Variants in CDH12 observed in about 807,000 individuals in gnomAD.
CDH12 encodes cadherin-12.
Under a neutral mutation model 74.1 loss-of-function variants are expected in CDH12, and 41 were observed. That is an observed-to-expected ratio of 0.55 (90% CI 0.43 to 0.72). The LOEUF (loss-of-function observed/expected upper bound fraction) is 0.72. CDH12 is among the 30% of genes least tolerant of loss of function. The pLI, the probability that CDH12 is intolerant of heterozygous loss-of-function variation, is 0.00. For synonymous variants in CDH12, 399 were observed against 355.0 expected (o/e 1.12, Z -1.39); for missense variants, 945 against 977.2 (o/e 0.97, Z 0.44).
At chr5:22,050,485 A>T (rs1740284312) in intron 5 of CDH12, among the ~76,000 whole-genome samples, 1 of 152,180 alleles carries the variant, frequency 6.6e-6, no homozygotes, top group Admixed American at 6.5e-5. Flanking sequence ...AAACAAATTT[A>T]GCAATCTACT....
At chr5:22,374,753 G>A (rs1278188752) in intron 3 of CDH12, among the ~76,000 whole-genome samples, 2 of 151,320 alleles carry the variant, frequency 1.3e-5, no homozygotes, top group African/African-American at 4.9e-5. Flanking sequence ...TTAACAAAGG[G>A]AGTGAAAGAT....
chr5:22,804,610 GCTCTTAAAGC>G (rs1396608652), intron 1 of CDH12, among the ~76,000 whole-genome samples: 4 of 152,206 alleles, frequency 2.6e-5, no homozygotes, highest in South Asian at 4.1e-4. Flanking sequence ...ACCCATTTTT[GCTCTTAAAGC>G]CTTTAAATGA....
rs967085791 is a variant in CDH12, at chr5:21,824,539, T to G, written c.815-7407A>C. Among the ~76,000 whole-genome samples, 7 of 152,182 alleles carry G rather than the reference T, an allele frequency of 4.6e-5. 1 individual carries two copies. Among genetic ancestry groups the G allele is most frequent in the African/African-American group, 1.4e-4 (6 of 41,450 alleles). On this transcript the variant is annotated intron_variant, in intron 8 of 14. Transcript: ENST00000382254. ...TGCTTACTCATTTCTTGCCATTCCT[T>G]TTGTTGTCATACAATTAGTTTCCCA...
At chr5:22,083,712 A>G (rs537050703) in intron 4 of CDH12, among the ~76,000 whole-genome samples, 1 of 152,298 alleles carries the variant, frequency 6.6e-6, no homozygotes, top group African/African-American at 2.4e-5. Flanking sequence ...ATGTTAGTAC[A>G]TAGCAGGCAG....
At chr5:22,609,533 C>A (rs1465689217) in intron 1 of CDH12, among the ~76,000 whole-genome samples, 1 of 152,146 alleles carries the variant, frequency 6.6e-6, no homozygotes, top group Non-Finnish European at 1.5e-5. Context: ...CAAATTCCTG[C>A]AAAATTGTTC....
At chr5:21,921,283 T>C (rs549818803) in intron 6 of CDH12, among the ~76,000 whole-genome samples, 1 of 152,338 alleles carries the variant, frequency 6.6e-6, no homozygotes, top group East Asian at 1.9e-4. Context: ...TCAATGTATT[T>C]ATGCTTAGCC....
intron 4 of CDH12, among the ~76,000 whole-genome samples, chr5:22,184,348 A>T (rs1486240951): frequency 1.3e-5 from 2 of 152,192 alleles, no homozygotes; most frequent in African/African-American, 4.8e-5. Flanking sequence ...CAAAAAATAT[A>T]TATTGTGTAA....
At chr5:21,792,021 G>A (rs1746527587) in intron 10 of CDH12, among the ~76,000 whole-genome samples, 3 of 151,856 alleles carry the variant, frequency 2.0e-5, no homozygotes, top group Non-Finnish European at 2.9e-5. Flanking sequence ...TAATGACACA[G>A]GTCAAAGTAG....
chr5:22,060,608 T>C (rs4416571), intron 5 of CDH12, among the ~76,000 whole-genome samples: 1 of 152,174 alleles, frequency 6.6e-6, no homozygotes, highest in Admixed American at 6.6e-5. Context: ...CACAGCACTA[T>C]GTGGTGATGC....
intron 6 of CDH12, among the ~76,000 whole-genome samples, chr5:21,918,551 G>A (rs993630704): frequency 1.3e-5 from 2 of 151,998 alleles, no homozygotes; most frequent in South Asian, 2.1e-4. Flanking sequence ...GGGAAGCAAG[G>A]CACCTTCTTC....
At chr5:21,782,756 C>T (rs1328802064) in intron 11 of CDH12, among the ~76,000 whole-genome samples, 2 of 152,052 alleles carry the variant, frequency 1.3e-5, no homozygotes, top group African/African-American at 4.8e-5. Flanking sequence ...ACAAATAAAA[C>T]CTATAATCAC....
chr5:22,585,090 C>T (rs1740315062), intron 1 of CDH12, among the ~76,000 whole-genome samples: 2 of 152,266 alleles, frequency 1.3e-5, no homozygotes, highest in Non-Finnish European at 2.9e-5. Context: ...AAATTATTTT[C>T]AAAAGTTAGA....
At chr5:22,391,627 GA>G (rs1742252644) in intron 3 of CDH12, among the ~76,000 whole-genome samples, 1 of 151,880 alleles carries the variant, frequency 6.6e-6, no homozygotes, top group Non-Finnish European at 1.5e-5. Context: ...ATTATCAATG[GA>G]ATTAGTGCCC....
At chr5:22,728,821 T>C (rs1045848424) in intron 1 of CDH12, among the ~76,000 whole-genome samples, 1 of 151,760 alleles carries the variant, frequency 6.6e-6, no homozygotes, top group Non-Finnish European at 1.5e-5. Context: ...TAATTCTAGC[T>C]TGAGCCCTCC....
chr5:22,227,066 T>C (rs1353970400), intron 3 of CDH12, among the ~76,000 whole-genome samples: 2 of 152,112 alleles, frequency 1.3e-5, no homozygotes, highest in Non-Finnish European at 2.9e-5. Context: ...CCATTTTAAT[T>C]TTTGGCGTGG....
intron 3 of CDH12, among the ~76,000 whole-genome samples, chr5:22,230,270 G>T (rs1225943567): frequency 6.6e-6 from 1 of 151,878 alleles, no homozygotes; most frequent in African/African-American, 2.4e-5. Flanking sequence ...CTGACAAGCT[G>T]GGAAAGGAAG....
At chr5:22,391,811 A>C (rs1484816508) in intron 3 of CDH12, among the ~76,000 whole-genome samples, 1 of 152,190 alleles carries the variant, frequency 6.6e-6, no homozygotes, top group Non-Finnish European at 1.5e-5. Context: ...AGGAAACCTA[A>C]GAAAGCAGAA....
intron 2 of CDH12, among the ~76,000 whole-genome samples, chr5:22,422,028 T>C (rs2126498294): frequency 6.6e-6 from 1 of 152,324 alleles, no homozygotes; most frequent in Admixed American, 6.5e-5. Context: ...CAATTTTTGA[T>C]GGGGTTGAAT....
chr5:22,022,062 C>G (rs1240065287), intron 5 of CDH12, among the ~76,000 whole-genome samples: 2 of 152,160 alleles, frequency 1.3e-5, no homozygotes, highest in African/African-American at 2.4e-5. Context: ...GTCTTGAACT[C>G]CTAGCCTCAA....
Sources: allele counts gnomAD v4.1 joint callset (sites outside exome capture counted in the v4.1 genomes callset), GRCh38; gene constraint gnomAD v4.1.1; transcripts MANE v1.5; gene names NCBI Gene and HGNC (gene_info 2026-07-23, HGNC 2026-07-21).